Variants in FAM227B observed in about 807,000 individuals in gnomAD.
FAM227B encodes family with sequence similarity 227 member B.
Under a neutral mutation model 73.8 loss-of-function variants are expected in FAM227B, and 88 were observed. That is an observed-to-expected ratio of 1.19 (90% CI 1.00 to 1.42). The LOEUF is 1.42. FAM227B is among the 40% of genes most tolerant of loss of function. FAM227B has a pLI of 0.00. For missense variants in FAM227B, 632 were observed against 590.9 expected, an observed-to-expected ratio of 1.07 and a Z score of -0.72; for synonymous variants, 210 against 190.5, an observed-to-expected ratio of 1.10 and a Z score of -0.84.
At chr15:49,568,927 A>C (rs2074876255) in intron 8 of FAM227B, among the ~76,000 whole-genome samples, 1 of 152,092 alleles carries the variant, frequency 6.6e-6, no homozygotes, top group Admixed American at 6.6e-5. Context: ...TTCCTCTTCA[A>C]CTTTTTGAAA....
At chr15:49,524,955 A>G (rs1205214361) in intron 10 of FAM227B, among the ~76,000 whole-genome samples, 5 of 152,102 alleles carry the variant, frequency 3.3e-5, no homozygotes, top group African/African-American at 1.2e-4. Context: ...GAAGTAACTA[A>G]CTTGCTTTTG....
At chr15:49,510,960 GT>G (rs35131264) in intron 10 of FAM227B, among the ~76,000 whole-genome samples, 2,295 of 144,142 alleles carry the variant, frequency 0.016, 110 homozygotes, top group East Asian at 0.12. Flanking sequence ...TTCTCTGGAA[GT>G]TTTTTTTTTT....
At chr15:49,543,380 T>C (rs2071357402) in intron 9 of FAM227B, among the ~76,000 whole-genome samples, 1 of 152,186 alleles carries the variant, frequency 6.6e-6, no homozygotes, top group African/African-American at 2.4e-5. Flanking sequence ...GCTGATTCGT[T>C]TGAGTTTCTT....
At chr15:49,565,302 A>G (rs546664072) in intron 9 of FAM227B, among the ~76,000 whole-genome samples, 44 of 151,216 alleles carry the variant, frequency 2.9e-4, no homozygotes, top group Non-Finnish European at 5.6e-4. Context: ...GAATCGCTTG[A>G]ACCCGGGAGG....
chr15:49,543,750 T>C (rs2071416243), intron 9 of FAM227B, among the ~76,000 whole-genome samples: 1 of 152,214 alleles, frequency 6.6e-6, no homozygotes, highest in Non-Finnish European at 1.5e-5. Context: ...ATTTGTTAAA[T>C]AGGGTCTCCT....
At chr15:49,388,676 A>G (rs1387685360) in intron 11 of FAM227B, among the ~76,000 whole-genome samples, 2 of 152,116 alleles carry the variant, frequency 1.3e-5, no homozygotes, top group Non-Finnish European at 2.9e-5. Flanking sequence ...AACAAAAGAA[A>G]TAATTGACAG....
chr15:49,445,365 T>C (rs959937142), intron 11 of FAM227B, among the ~76,000 whole-genome samples: 2 of 151,660 alleles, frequency 1.3e-5, no homozygotes, highest in Admixed American at 6.6e-5. Context: ...AGTGAAAACA[T>C]GCAGTATTTG....
At chr15:49,499,121 C>G (rs1267294035) in intron 11 of FAM227B, among the ~76,000 whole-genome samples, 1 of 143,012 alleles carries the variant, frequency 7.0e-6, no homozygotes, top group Non-Finnish European at 1.5e-5. Flanking sequence ...AGCCGAGATC[C>G]CGCCACTGCA....
At chr15:49,347,405 G>A (rs1217492223) in intron 13 of FAM227B, among the ~76,000 whole-genome samples, 1 of 152,126 alleles carries the variant, frequency 6.6e-6, no homozygotes, top group African/African-American at 2.4e-5. Flanking sequence ...GTAGATGAAG[G>A]TGCTTCTCCT....
chr15:49,483,111 T>G, intron 11 of FAM227B: 1 of 1,134,884 alleles, frequency 8.8e-7, no homozygotes, highest in Non-Finnish European at 1.3e-6. Flanking sequence ...TTTGCAAAAC[T>G]GAACGAATAT....
At chr15:49,582,682 T>TCATTGC (rs1228255152) in intron 5 of FAM227B, among the ~76,000 whole-genome samples, 2 of 152,170 alleles carry the variant, frequency 1.3e-5, no homozygotes, top group Non-Finnish European at 2.9e-5. Flanking sequence ...ATACACATTT[T>TCATTGC]CATTGCCCAC....
intron 9 of FAM227B, among the ~76,000 whole-genome samples, chr15:49,563,953 A>G (rs2074448238): frequency 6.6e-6 from 1 of 152,180 alleles, no homozygotes; most frequent in Admixed American, 6.5e-5. Flanking sequence ...CTAAGTCTGC[A>G]AAAGCAACTA....
chr15:49,348,367 C>T (rs943970411), intron 13 of FAM227B, among the ~76,000 whole-genome samples: 1 of 152,126 alleles, frequency 6.6e-6, no homozygotes, highest in Non-Finnish European at 1.5e-5. Flanking sequence ...AATTGAATAT[C>T]TAAGTCCTTC....
Position 49,588,040 on chromosome 15 carries a change from C to T in FAM227B, c.381G>A (p.Lys127=), listed in dbSNP as rs2076278090. The T allele has an allele frequency of 6.9e-7, 1 of 1,439,148 alleles. No homozygotes were observed. The highest frequency in any genetic ancestry group is 1.4e-5 in the South Asian group (1 of 69,272). The allele number at this position is 1,439,148 out of a possible 1,614,324, so 89.1% of individuals were successfully genotyped here. A position where few individuals can be genotyped will look rare whatever the true frequency, so the allele number is the denominator to read the frequency against. ...KLERYGEFLK[K]YHKKKKIMLS... is the part of the protein sequence containing the mutation. The stretch of plus-strand genomic sequence containing the variant: ...CCATTATCTTTTTTTTCTTATGGTA[C>T]TTCTTTAGAAATTCCCCATATCGTT... The change falls in exon 5 of 16, where the codon AAG becomes AAA. Residue 127 remains lysine (K), a synonymous_variant. Transcript: ENST00000299338.
intron 11 of FAM227B, among the ~76,000 whole-genome samples, chr15:49,502,289 A>AT (rs1384597545): frequency 6.6e-6 from 1 of 152,212 alleles, no homozygotes; most frequent in East Asian, 1.9e-4. Flanking sequence ...CTGAATCTGA[A>AT]AAAGCCACAG....
intron 15 of FAM227B, chr15:49,329,029 C>G (rs1342496751): frequency 9.9e-6 from 10 of 1,007,288 alleles, no homozygotes; most frequent in Non-Finnish European, 1.1e-5. Context: ...TCTTTTTCTA[C>G]TACTTTTTCT....
At chr15:49,413,335 C>T (rs2048997064) in intron 11 of FAM227B, among the ~76,000 whole-genome samples, 1 of 151,972 alleles carries the variant, frequency 6.6e-6, no homozygotes, top group African/African-American at 2.4e-5. Context: ...TACCTGCTAC[C>T]ATCTGTGTAA....
chr15:49,347,424 T>C lies in FAM227B; in HGVS notation c.1272-11928A>G, dbSNP rs955090001. 4.6e-5 allele frequency among the ~76,000 whole-genome samples: 7 copies of C among 152,212 alleles called. No homozygotes were observed. The East Asian group carries it at 7.7e-4, about 17-fold the overall frequency. ...ATGAAGGTGCTTCTCCTTTCTACTA[T>C]AGCATTCTATGTATAGGACAGATTA... On this transcript the variant is annotated intron_variant, in intron 13 of 15. Transcript: ENST00000299338.
intron 10 of FAM227B, among the ~76,000 whole-genome samples, chr15:49,508,766 T>C (rs138217598): frequency 1.3e-5 from 2 of 152,338 alleles, no homozygotes; most frequent in East Asian, 3.9e-4. Flanking sequence ...TGTTTTTAGA[T>C]ACAGTTATCA....
Sources: allele counts gnomAD v4.1 joint callset (sites outside exome capture counted in the v4.1 genomes callset), GRCh38; gene constraint gnomAD v4.1.1; transcripts MANE v1.5; gene names NCBI Gene and HGNC (gene_info 2026-07-23, HGNC 2026-07-21).